NREP: variants seen among roughly 807,000 people sequenced by gnomAD.
NREP encodes neuronal regeneration related protein.
Under a neutral mutation model 8.6 loss-of-function variants are expected in NREP, and 5 were observed. That is an observed-to-expected ratio of 0.58 (90% confidence interval 0.30 to 1.22). The LOEUF (loss-of-function observed/expected upper bound fraction) is 1.22, where lower values mean the gene tolerates loss of function less well. Ranked by LOEUF, NREP falls within the 50% of genes most tolerant of loss-of-function variation. The pLI, the probability that NREP is intolerant of heterozygous loss-of-function variation, is 0.07. For missense variants in NREP, 86 were observed against 82.5 expected (o/e 1.04, Z -0.17); for synonymous variants, 27 against 28.0 (o/e 0.96, Z 0.11).
intron 2 of NREP, among the ~76,000 whole-genome samples, chr5:111,855,573 G>A (rs1753407702): frequency 6.6e-6 from 1 of 152,158 alleles, no homozygotes; most frequent in Non-Finnish European, 1.5e-5. Context: ...GAAGCCAGCA[G>A]GGCCCTGACT....
At chr5:111,940,453 T>C (rs1309623069) in intron 2 of NREP, among the ~76,000 whole-genome samples, 1 of 152,064 alleles carries the variant, frequency 6.6e-6, no homozygotes, top group Non-Finnish European at 1.5e-5. Flanking sequence ...TCAAAGTGTC[T>C]GTCTGTCTGC....
intron 2 of NREP, among the ~76,000 whole-genome samples, chr5:111,959,359 G>A (rs972893035): frequency 6.6e-6 from 1 of 151,850 alleles, no homozygotes; most frequent in African/African-American, 2.4e-5. Context: ...GCAGCCTCTG[G>A]GGGCTGATGT....
chr5:111,869,422 C>G (rs1345753336), intron 2 of NREP, among the ~76,000 whole-genome samples: 4 of 152,154 alleles, frequency 2.6e-5, no homozygotes, highest in African/African-American at 9.7e-5. Context: ...ATTTACATTT[C>G]ATCTTCCCTC....
chr5:111,900,349 G>A (rs1008637533), intron 2 of NREP, among the ~76,000 whole-genome samples: 20 of 151,624 alleles, frequency 1.3e-4, no homozygotes, highest in African/African-American at 4.8e-4. Flanking sequence ...AAAATAAACA[G>A]TCTAAAGATG....
intron 2 of NREP, among the ~76,000 whole-genome samples, chr5:111,848,806 T>A (rs1197605175): frequency 6.6e-6 from 1 of 152,172 alleles, no homozygotes; most frequent in East Asian, 1.9e-4. Context: ...CTTTGCCATT[T>A]GTCAGCAGAG....
intron 2 of NREP, among the ~76,000 whole-genome samples, chr5:111,952,831 ATCTC>A (rs1424760474): frequency 6.6e-6 from 1 of 152,146 alleles, no homozygotes; most frequent in Admixed American, 6.5e-5. Flanking sequence ...AATATATGGA[ATCTC>A]TCTGTATTAT....
At position 111,927,241 on chromosome 5, in the gene NREP, A is replaced by G. The variant is rs138610346; in HGVS notation, c.135+48033T>C. On this transcript the variant is annotated intron_variant, in intron 2 of 3. Transcript: ENST00000395634. ...CTACTCTAACACAATAGCTATTACTATGAAGAATTGAAACAGGAAATATCT... is the reference window on the plus strand; with the variant it reads ...CTACTCTAACACAATAGCTATTACTGTGAAGAATTGAAACAGGAAATATCT... Among the ~76,000 whole-genome samples the G allele has an allele frequency of 3.9e-5, 6 of 152,248 alleles. No homozygotes were observed. In the East Asian group the frequency reaches 7.8e-4, roughly 20 times the overall value.
At chr5:111,754,969 T>A (rs1215388270) in intron 2 of NREP, among the ~76,000 whole-genome samples, 1 of 152,202 alleles carries the variant, frequency 6.6e-6, no homozygotes, top group Admixed American at 6.5e-5. Context: ...AGTATAAACA[T>A]CTGCAGTAGG....
In NREP at chr5:111,779,684, G is replaced by C. The variant is rs181150130; in HGVS notation, c.136-44177C>G. Among the ~76,000 whole-genome samples, 49 of 152,290 alleles carry C rather than the reference G, an allele frequency of 3.2e-4. No individual in the cohort carries two copies. The East Asian group carries it at 6.4e-3, about 20-fold the overall frequency. ...AATATTCTTCCAGAATCTGGCTAGA[G>C]ACTATTCAGAGAGTATATCTTTCAT... On this transcript the variant is annotated intron_variant, in intron 2 of 3. Transcript: ENST00000395634.
intron 2 of NREP, among the ~76,000 whole-genome samples, chr5:111,766,887 AG>A (rs1029477088): frequency 6.6e-6 from 1 of 152,252 alleles, no homozygotes; most frequent in Non-Finnish European, 1.5e-5. Flanking sequence ...TATGGGTGGT[AG>A]TGGTAATTCT....
upstream of NREP, chr5:111,757,622 G>A (rs1223952676): frequency 2.8e-5 from 28 of 982,984 alleles, no homozygotes; most frequent in Non-Finnish European, 3.0e-5. Context: ...CGCGCGCCCC[G>A]ACACCCCGCA....
intron 2 of NREP, among the ~76,000 whole-genome samples, chr5:111,884,040 T>G (rs1754167651): frequency 6.6e-6 from 1 of 151,816 alleles, no homozygotes; most frequent in Non-Finnish European, 1.5e-5. Context: ...CAGGAGCTGG[T>G]TTTTTGAAAG....
intron 2 of NREP, among the ~76,000 whole-genome samples, chr5:111,904,507 AG>A (rs1328489326): frequency 3.3e-5 from 5 of 152,118 alleles, no homozygotes; most frequent in Non-Finnish European, 1.5e-5. Flanking sequence ...GGAATTATAT[AG>A]TATGTAGGCT....
chr5:111,927,110 G>A (rs1755410581), intron 2 of NREP, among the ~76,000 whole-genome samples: 1 of 151,954 alleles, frequency 6.6e-6, no homozygotes, highest in African/African-American at 2.4e-5. Context: ...CCTATATTCT[G>A]CTATTATGGT....
intron 2 of NREP, among the ~76,000 whole-genome samples, chr5:111,813,935 T>A (rs1752325221): frequency 1.3e-5 from 2 of 152,124 alleles, no homozygotes; most frequent in African/African-American, 4.8e-5. Flanking sequence ...TGCATACCCT[T>A]AAATAATTTA....
chr5:111,892,508 A>G (rs1754417893), intron 2 of NREP, among the ~76,000 whole-genome samples: 1 of 152,074 alleles, frequency 6.6e-6, no homozygotes, highest in Non-Finnish European at 1.5e-5. Flanking sequence ...AAACAATTTT[A>G]TTTTTTCATT....
chr5:111,766,494 T>C (rs1198646969), intron 2 of NREP, among the ~76,000 whole-genome samples: 3 of 152,226 alleles, frequency 2.0e-5, no homozygotes, highest in African/African-American at 7.2e-5. Flanking sequence ...AAAAATCTTA[T>C]GGTTAGAGAA....
chr5:111,871,979 TAC>T (rs1346684033), intron 2 of NREP, among the ~76,000 whole-genome samples: 4 of 150,186 alleles, frequency 2.7e-5, no homozygotes, highest in Non-Finnish European at 5.9e-5. Flanking sequence ...ACCATATATA[TAC>T]ACACACATAT....
rs114953237 is a variant in NREP, at chr5:111,899,453, G to A, written c.135+75821C>T. On this transcript the variant is annotated intron_variant, in intron 2 of 3. Coordinates refer to the NREP transcript ENST00000395634. Reference sequence around the variant, plus strand: ...CACGTGAGCCTAGGAATTCATGACCGCAGTGAGCTATGGCTGTGCCACTAG... The same window carrying A: ...CACGTGAGCCTAGGAATTCATGACCACAGTGAGCTATGGCTGTGCCACTAG... Among the ~76,000 whole-genome samples the A allele has an allele frequency of 4.2e-3, 636 of 152,200 alleles. 3 individuals carry two copies. Among genetic ancestry groups the A allele is most frequent in the African/African-American group, 0.014 (579 of 41,518 alleles).
Sources: allele counts gnomAD v4.1 joint callset (sites outside exome capture counted in the v4.1 genomes callset), GRCh38; gene constraint gnomAD v4.1.1; transcripts MANE v1.5; gene names NCBI Gene and HGNC (gene_info 2026-07-23, HGNC 2026-07-21).